Variants in MAGI2 observed in about 807,000 individuals in gnomAD.
The protein encoded by MAGI2 is membrane associated guanylate kinase, WW and PDZ domain containing 2, also known as membrane-associated guanylate kinase, WW and PDZ domain-containing protein 2.
A neutral mutation model predicts 133.3 loss-of-function variants in MAGI2; 35 were observed. The observed-to-expected ratio is 0.26, with a 90% CI of 0.20 to 0.35. MAGI2 has a LOEUF of 0.35. Among genes scored for constraint, MAGI2 ranks in the 10% least tolerant of loss-of-function variants. The pLI, the probability that MAGI2 is intolerant of heterozygous loss-of-function variation, is 1.00. For synonymous variants in MAGI2, 729 were observed against 710.6 expected (o/e 1.03, Z -0.41); for missense variants, 1,636 against 1,863.4 (o/e 0.88, Z 2.25).
chr7:78,557,086 A>AAAAAAAAAAAAAAAGAAAAAG (rs1584622235), intron 3 of MAGI2, among the ~76,000 whole-genome samples: 1 of 144,974 alleles, frequency 6.9e-6, no homozygotes, highest in South Asian at 2.2e-4. Context: ...GTCTCAAAAA[A>AAAAAAAAAAAAAAAGAAAAAG]AAAAAAAAAA....
At chr7:78,236,295 A>G (rs892205217) in intron 10 of MAGI2, among the ~76,000 whole-genome samples, 1 of 152,176 alleles carries the variant, frequency 6.6e-6, no homozygotes, top group African/African-American at 2.4e-5. Context: ...GAATGATGAT[A>G]GGTTGCTTGA....
At chr7:78,329,225 A>G (rs371146339) in intron 9 of MAGI2, among the ~76,000 whole-genome samples, 1 of 152,174 alleles carries the variant, frequency 6.6e-6, no homozygotes, top group African/African-American at 2.4e-5. Flanking sequence ...AGCAGTTTTG[A>G]TATTTGCAGA....
intron 21 of MAGI2, among the ~76,000 whole-genome samples, chr7:78,076,852 C>CAAAAAAAAA (rs1242148618): frequency 2.4e-5 from 1 of 42,552 alleles, no homozygotes; most frequent in Non-Finnish European, 4.2e-5. Context: ...GACTCCGTCT[C>CAAAAAAAAA]AAAAAAAAAA....
chr7:78,808,406 G>A (rs981181371), intron 2 of MAGI2, among the ~76,000 whole-genome samples: 8 of 151,902 alleles, frequency 5.3e-5, no homozygotes, highest in Admixed American at 1.3e-4. Flanking sequence ...ACAGGTGCCC[G>A]CCACCACGCC....
At chr7:78,070,132 T>TAC (rs1814348909) in intron 21 of MAGI2, among the ~76,000 whole-genome samples, 1 of 133,464 alleles carries the variant, frequency 7.5e-6, no homozygotes, top group Admixed American at 7.4e-5. Flanking sequence ...CACACATATA[T>TAC]GTGTGTGTAT....
chr7:78,181,935 G>T (rs1827225177), intron 13 of MAGI2, among the ~76,000 whole-genome samples: 1 of 152,146 alleles, frequency 6.6e-6, no homozygotes, highest in Non-Finnish European at 1.5e-5. Flanking sequence ...AAAAGGCTGG[G>T]TAACTGAACA....
intron 1 of MAGI2, among the ~76,000 whole-genome samples, chr7:79,331,054 G>T (rs1341969285): frequency 6.6e-6 from 1 of 152,074 alleles, no homozygotes. Flanking sequence ...ATTAAGAGCT[G>T]CCACTCACAC....
In MAGI2 at chr7:78,933,777, T is replaced by C. The variant is rs539609865; in HGVS notation, c.418+73313A>G. Among the ~76,000 whole-genome samples, 11 of 152,186 alleles carry C rather than the reference T, an allele frequency of 7.2e-5. No homozygotes were observed. The East Asian group carries it at 2.1e-3, about 29-fold the overall frequency. The stretch of plus-strand genomic sequence containing the variant: ...TGTGCATTCATAAGAGAACAATAAA[T>C]CATGTCAGTTTATAAGATTGAAGAG... On this transcript the variant is annotated intron_variant, in intron 2 of 21. Coordinates refer to ENST00000354212, the MANE Select transcript of MAGI2 (RefSeq NM_012301.4).
intron 4 of MAGI2, chr7:78,509,325 T>C (rs956018773): frequency 5.3e-5 from 8 of 152,300 alleles, no homozygotes; most frequent in South Asian, 2.1e-4. Flanking sequence ...CAATGATCTA[T>C]AAAAACATAT....
chr7:78,861,960 A>G (rs1013513467), intron 2 of MAGI2, among the ~76,000 whole-genome samples: 4 of 152,214 alleles, frequency 2.6e-5, no homozygotes, highest in Non-Finnish European at 4.4e-5. Context: ...TGACCTATTT[A>G]TTAATGTGGA....
At chr7:78,845,306 A>C (rs1487494744) in intron 2 of MAGI2, among the ~76,000 whole-genome samples, 1 of 151,890 alleles carries the variant, frequency 6.6e-6, no homozygotes, top group Non-Finnish European at 1.5e-5. Context: ...TATTCTGGTT[A>C]CTCTGGGTCA....
At position 78,369,273 on chromosome 7, in the gene MAGI2, A is replaced by G. The variant is rs557890043; in HGVS notation, c.1046-60T>C. 73 of 1,178,522 alleles carry G rather than the reference A, an allele frequency of 6.2e-5. 1 individual carries two copies. In the South Asian group the frequency reaches 9.8e-4, roughly 16 times the overall value. The allele number at this position is 1,178,522 out of a possible 1,614,324, so 73.0% of individuals were successfully genotyped here. A position where few individuals can be genotyped will look rare whatever the true frequency, so the allele number is the denominator to read the frequency against. On this transcript the variant is annotated intron_variant, in intron 6 of 21. Transcript: ENST00000354212. ...ATATCACAATTTCTAATAAAAAGTA[A>G]TATAATTTAATTGTTCATGGATTGC...
chr7:79,010,098 TATATATACAC>T (rs1446898120), intron 1 of MAGI2, among the ~76,000 whole-genome samples: 3 of 152,196 alleles, frequency 2.0e-5, no homozygotes, highest in South Asian at 2.1e-4. Flanking sequence ...TTTGTGTATG[TATATATACAC>T]ATATATACAC....
At chr7:78,366,208 C>T (rs569388811) in intron 7 of MAGI2, among the ~76,000 whole-genome samples, 3 of 152,134 alleles carry the variant, frequency 2.0e-5, no homozygotes, top group South Asian at 4.2e-4. Flanking sequence ...AAAGATATTG[C>T]TTGTTATATT....
chr7:79,439,021 T>C (rs1277860498), intron 1 of MAGI2, among the ~76,000 whole-genome samples: 1 of 152,136 alleles, frequency 6.6e-6, no homozygotes, highest in Non-Finnish European at 1.5e-5. Flanking sequence ...GTTTCCTTTC[T>C]GGAAAAATCC....
intron 2 of MAGI2, among the ~76,000 whole-genome samples, chr7:79,002,134 CTT>C (rs11301382): frequency 1.5e-3 from 198 of 135,188 alleles, no homozygotes; most frequent in East Asian, 6.3e-3. Context: ...TCTTCTTCTT[CTT>C]TTTTTTTTTT....
At position 78,499,610 on chromosome 7, in the gene MAGI2, T is replaced by C. The variant is rs556939721; in HGVS notation, c.965+1967A>G. 9.9e-5 allele frequency among the ~76,000 whole-genome samples: 15 copies of C among 151,964 alleles called. No homozygotes were observed. The East Asian group carries it at 2.9e-3, about 29-fold the overall frequency. ...TTTTCTTCACAACCTCAAAACCTGATGTAGTTAAAAGAGGAAAGTTTACTT... is the reference window on the plus strand; with the variant it reads ...TTTTCTTCACAACCTCAAAACCTGACGTAGTTAAAAGAGGAAAGTTTACTT... On this transcript the variant is annotated intron_variant, in intron 5 of 21. Transcript: ENST00000354212.
intron 3 of MAGI2, among the ~76,000 whole-genome samples, chr7:78,607,366 ATGGTCTAG>A (rs1255144963): frequency 6.6e-6 from 1 of 151,268 alleles, no homozygotes; most frequent in Non-Finnish European, 1.5e-5. Flanking sequence ...TTCAGTGGCT[ATGGTCTAG>A]TGGTAGGGTC....
chr7:79,125,448 T>C (rs1820325500), intron 1 of MAGI2: 1 of 499,940 alleles, frequency 2.0e-6, no homozygotes, highest in Non-Finnish European at 4.0e-6. Flanking sequence ...TTGATAACGA[T>C]GGTAGTTATG....
Sources: allele counts gnomAD v4.1 joint callset (sites outside exome capture counted in the v4.1 genomes callset), GRCh38; gene constraint gnomAD v4.1.1; transcripts MANE v1.5; gene names NCBI Gene and HGNC (gene_info 2026-07-23, HGNC 2026-07-21).